Variants in LMO4 observed in about 807,000 individuals in gnomAD.
LMO4 encodes the protein LIM domain transcription factor LMO4.
Under a neutral mutation model 18.5 loss-of-function variants are expected in LMO4, and 3 were observed. That is an observed-to-expected ratio of 0.16 (90% confidence interval 0.07 to 0.42). LMO4 has a LOEUF of 0.42. Among genes scored for constraint, LMO4 ranks in the 10% least tolerant of loss-of-function variants. LMO4 has a pLI of 0.99. For missense variants in LMO4, 121 were observed against 219.9 expected (o/e 0.55, Z 2.84); for synonymous variants, 100 against 88.1 (o/e 1.14, Z -0.76).
intron 3 of LMO4, among the ~76,000 whole-genome samples, 155 bp downstream of exon 3, chr1:87,339,787 C>T (rs895289892): frequency 6.6e-6 from 1 of 152,172 alleles, no homozygotes; most frequent in African/African-American, 2.4e-5. Context: ...GATGGTTACA[C>T]ATCCACATGC....
At chr1:87,340,832 A>G (rs547530176) in intron 4 of LMO4, among the ~76,000 whole-genome samples, 1 of 152,304 alleles carries the variant, frequency 6.6e-6, no homozygotes, top group African/African-American at 2.4e-5. Flanking sequence ...TGCCATTAGA[A>G]ATTATGTATC....
At chr1:87,344,721 CAT>C in intron 4 of LMO4, 65 bp from the exon 5 acceptor site, 1 of 1,487,334 alleles carries the variant, frequency 6.7e-7, no homozygotes, top group Non-Finnish European at 9.4e-7. Flanking sequence ...CAAAAGCAGT[CAT>C]GTTTGAGTTT....
At chr1:87,341,621 A>G (rs1650500539) in intron 4 of LMO4, among the ~76,000 whole-genome samples, 1 of 152,166 alleles carries the variant, frequency 6.6e-6, no homozygotes, top group African/African-American at 2.4e-5. Context: ...CCATATTTTG[A>G]TGCTTATATT....
At chr1:87,331,733 G>GT in intron 1 of LMO4, 1 of 490,700 alleles carries the variant, frequency 2.0e-6, no homozygotes, top group East Asian at 3.3e-5. Context: ...AGTTTTGACA[G>GT]TACCGGAGCT....
intron 2 of LMO4, among the ~76,000 whole-genome samples, chr1:87,336,977 A>AC (rs1553157571): frequency 2.0e-5 from 3 of 151,768 alleles, no homozygotes; most frequent in Non-Finnish European, 2.9e-5. Flanking sequence ...GTTGTGAAAA[A>AC]ACACACACAC....
At chr1:87,332,960 C>A (rs553016226) in intron 2 of LMO4, among the ~76,000 whole-genome samples, 40 of 152,038 alleles carry the variant, frequency 2.6e-4, no homozygotes, top group Admixed American at 3.9e-4. Flanking sequence ...GAAGCATGTT[C>A]AGGTTTTGGG....
At chr1:87,337,488 A>G (rs904301270) in intron 2 of LMO4, among the ~76,000 whole-genome samples, 6 of 152,320 alleles carry the variant, frequency 3.9e-5, no homozygotes, top group Middle Eastern at 3.4e-3. Flanking sequence ...GGCAACCATA[A>G]TTATAGATTC....
intron 2 of LMO4, among the ~76,000 whole-genome samples, chr1:87,336,447 T>G (rs1482364920): frequency 2.6e-5 from 4 of 152,182 alleles, no homozygotes; most frequent in Non-Finnish European, 5.9e-5. Flanking sequence ...CACCTATTGG[T>G]CATTGAAGTT....
At chr1:87,336,590 A>G (rs544036976) in intron 2 of LMO4, among the ~76,000 whole-genome samples, 124 of 152,304 alleles carry the variant, frequency 8.1e-4, no homozygotes, top group Non-Finnish European at 1.5e-3. Flanking sequence ...AACAGGAGCA[A>G]AGCACCTTTA....
chr1:87,344,030 A>G (rs894438295), intron 4 of LMO4, among the ~76,000 whole-genome samples: 2 of 152,232 alleles, frequency 1.3e-5, no homozygotes, highest in East Asian at 1.9e-4. Context: ...ATGTTCTTTT[A>G]TCTATCACAG....
intron 4 of LMO4, among the ~76,000 whole-genome samples, chr1:87,342,545 C>A (rs1328785318): frequency 6.6e-6 from 1 of 152,008 alleles, no homozygotes; most frequent in East Asian, 1.9e-4. Flanking sequence ...AGACAGGTGG[C>A]CTTCAAAAAT....
In LMO4 at chr1:87,342,921, G is replaced by A. The variant is rs115042815; in HGVS notation, c.490-1867G>A. Among the ~76,000 whole-genome samples, 994 of 152,146 alleles carry A rather than the reference G, an allele frequency of 6.5e-3. 14 individuals are homozygous for A. The highest frequency in any genetic ancestry group is 0.022 in the African/African-American group (929 of 41,502). ...TTTCTTTTCTGGAGGCAATGAGATGGGGAGAAATGACAAATGGCTTCGTTT... is the reference window on the plus strand; with the variant it reads ...TTTCTTTTCTGGAGGCAATGAGATGAGGAGAAATGACAAATGGCTTCGTTT... On this transcript the variant is annotated intron_variant, in intron 4 of 4. Coordinates refer to ENST00000370544, the MANE Select transcript of LMO4 (RefSeq NM_006769.4).
chr1:87,330,479 T>C (rs1213960371), intron 1 of LMO4, among the ~76,000 whole-genome samples: 1 of 152,254 alleles, frequency 6.6e-6, no homozygotes, highest in Non-Finnish European at 1.5e-5. Flanking sequence ...AGAGTGGTCC[T>C]GTTTCCAAAG....
chr1:87,347,517 T>C lies in LMO4; in HGVS notation c.*2721T>C, dbSNP rs1013637593. ...TTCATCCATTGCATTTGTGATGTTA[T>C]TAGTTAGCAAGATGGACACTGTTCT... On this transcript the variant is annotated 3_prime_UTR_variant, in exon 5 of 5. Coordinates refer to ENST00000370544, the MANE Select transcript of LMO4 (RefSeq NM_006769.4). 9.2e-5 allele frequency: 14 copies of C among 152,180 alleles called. No homozygotes were observed. The highest frequency in any genetic ancestry group is 3.4e-4 in the African/African-American group (14 of 41,446). The allele number at this position is 152,180 out of a possible 1,614,324, so 9.4% of individuals were successfully genotyped here. A position where few individuals can be genotyped will look rare whatever the true frequency, so the allele number is the denominator to read the frequency against.
At position 87,339,575 on chromosome 1, in the gene LMO4, G is replaced by T; in HGVS notation, c.276G>T (p.Gln92His). ...GNSGACSACG[Q>H]SIPASELVMR... is the part of the protein sequence containing the mutation. Reference sequence around the variant, plus strand: ...GCGGTGCTTGCAGCGCTTGCGGACAGTCGATTCCTGCGAGTGAACTCGTCA... The same window carrying T: ...GCGGTGCTTGCAGCGCTTGCGGACATTCGATTCCTGCGAGTGAACTCGTCA... The change falls in exon 3 of 5, where the codon CAG becomes CAT. Residue 92 changes from glutamine (Q) to histidine (H), a missense_variant. By Grantham distance (24) the Gln-to-His change is conservative (BLOSUM62 0). Around this residue, in one of 4 missense-constraint regions of LMO4, gnomAD observed 62 missense variants for 128.8 expected, o/e 0.48. Transcript: ENST00000370544. The T allele has an allele frequency of 6.2e-7, 1 of 1,614,048 alleles. No homozygotes were observed. Among genetic ancestry groups the T allele is most frequent in the Non-Finnish European group, 8.5e-7 (1 of 1,179,954 alleles).
chr1:87,329,992 C>G (rs373438185), intron 1 of LMO4, among the ~76,000 whole-genome samples: 17 of 148,052 alleles, frequency 1.1e-4, no homozygotes, highest in African/African-American at 4.3e-4. Context: ...GCCTATTTAA[C>G]TTAAAAGCTT....
intron 2 of LMO4, 39 bp from the exon 3 acceptor site, chr1:87,339,497 G>C (rs775121613): frequency 6.9e-7 from 1 of 1,447,262 alleles, no homozygotes; most frequent in African/African-American, 1.4e-5. Context: ...CTTTGGTTTA[G>C]GATTATTCAC....
At chr1:87,337,978 G>C (rs1457031897) in intron 2 of LMO4, among the ~76,000 whole-genome samples, 1 of 152,218 alleles carries the variant, frequency 6.6e-6, no homozygotes, top group Non-Finnish European at 1.5e-5. Context: ...GTGGATCTCA[G>C]ACTAATTAGT....
chr1:87,331,898 T>C (rs1216530003), intron 1 of LMO4, 115 bp from the exon 2 acceptor site: 1 of 849,940 alleles, frequency 1.2e-6, no homozygotes, highest in Non-Finnish European at 1.8e-6. Flanking sequence ...GCTGTTTCCT[T>C]CCAGCAGCTC....
Sources: allele counts gnomAD v4.1 joint callset (sites outside exome capture counted in the v4.1 genomes callset), GRCh38; gene constraint gnomAD v4.1.1; regional missense constraint gnomAD v4.1.1; transcripts MANE v1.5; gene names NCBI Gene and HGNC (gene_info 2026-07-23, HGNC 2026-07-21).